The following ARHGEF1 variants were observed in gnomAD, a reference collection of about 807,000 sequenced individuals.
ARHGEF1 encodes the protein Rho guanine nucleotide exchange factor 1.
In ARHGEF1, 40 loss-of-function variants were observed where a neutral mutation model predicts 119.7. That is an observed-to-expected ratio of 0.33 (90% CI 0.26 to 0.44). The LOEUF (loss-of-function observed/expected upper bound fraction) is 0.44, where lower values mean the gene tolerates loss of function less well. ARHGEF1 is among the 20% of genes least tolerant of loss of function. The probability of loss-of-function intolerance (pLI) is 1.00; values close to 1 mark genes in which losing one functional copy is unlikely to be tolerated. For synonymous variants in ARHGEF1, 494 were observed against 521.0 expected, an observed-to-expected ratio of 0.95 and a Z score of 0.71; for missense variants, 976 against 1,268.3, an observed-to-expected ratio of 0.77 and a Z score of 3.50.
rs1209720214 is a variant in ARHGEF1, at chr19:41,928,673, C to A, written c.141-158C>A. On this transcript the variant is annotated intron_variant, in intron 1 of 2. Coordinates refer to the ARHGEF1 transcript ENST00000594417. The stretch of plus-strand genomic sequence containing the variant: ...TTCCTCAAACTCGGAAAATAAAGTT[C>A]AGAGCTGATCAAATTTGAAAACAGA... The A allele has an allele frequency of 1.6e-5, 5 of 319,918 alleles. No individual in the cohort carries two copies. In the East Asian group the frequency reaches 2.6e-4, roughly 17 times the overall value. The allele number at this position is 319,918 out of a possible 1,614,324, so 19.8% of individuals were successfully genotyped here. A position where few individuals can be genotyped will look rare whatever the true frequency, so the allele number is the denominator to read the frequency against.
upstream of ARHGEF1, among the ~76,000 whole-genome samples, chr19:41,918,529 CCATA>C (rs1270780858): frequency 6.8e-6 from 1 of 146,680 alleles, no homozygotes; most frequent in African/African-American, 2.5e-5. Context: ...CACACACACA[CCATA>C]CACTCACCAT....
chr19:41,918,864 ACAC>A (rs1339559681), upstream of ARHGEF1, among the ~76,000 whole-genome samples: 5 of 149,400 alleles, frequency 3.3e-5, no homozygotes, highest in African/African-American at 9.9e-5. Context: ...GACACACCAC[ACAC>A]CACATATCCA....
At chr19:41,913,534 C>A (rs1460461882) in intron 18 of ARHGEF1, among the ~76,000 whole-genome samples, 2 of 151,730 alleles carry the variant, frequency 1.3e-5, no homozygotes, top group Non-Finnish European at 2.9e-5. Context: ...CCCAGCACCC[C>A]CTCCTCCAGT....
In ARHGEF1 at chr19:41,906,440, T is replaced by C. The variant is rs782554820; in HGVS notation, c.2492-17T>C. The C allele has an allele frequency of 1.5e-5, 23 of 1,539,294 alleles. No homozygotes were observed. On this transcript the variant is annotated splice_polypyrimidine_tract_variant and intron_variant, in intron 26 of 28. Coordinates refer to ENST00000354532, the MANE Select transcript of ARHGEF1 (RefSeq NM_004706.4). The surrounding 1 kb of genome is among the most constrained non-coding windows in gnomAD (Gnocchi z 4.5). Reference sequence around the variant, plus strand: ...CCCCCTGGTCTCCTGACTCCACCCCTCCTTGCCCCTGGCCAGTGCTGTCCC... The same window carrying C: ...CCCCCTGGTCTCCTGACTCCACCCCCCCTTGCCCCTGGCCAGTGCTGTCCC...
chr19:41,930,033 G>T, exon 3 of ARHGEF1: 1 of 152,316 alleles, frequency 6.6e-6, no homozygotes. Flanking sequence ...TAAACCGCAG[G>T]GCGCATGGAG....
downstream of ARHGEF1, chr19:41,909,261 A>C (rs2074738991): frequency 2.4e-6 from 3 of 1,232,282 alleles, no homozygotes; most frequent in Non-Finnish European, 3.0e-6. The surrounding 1 kb of genome is among the most constrained non-coding windows in gnomAD (Gnocchi z 5.2). Context: ...CCAGGACCCC[A>C]GTACCCAGAC....
At chr19:41,919,026 G>A (rs1352537440), upstream of ARHGEF1, among the ~76,000 whole-genome samples, 1 of 148,064 alleles carries the variant, frequency 6.8e-6, no homozygotes, top group Non-Finnish European at 1.5e-5. Context: ...CCATGCCACA[G>A]ACACTATACA....
Position 41,903,831 on chromosome 19 carries a change from C to T in ARHGEF1, c.1917+47C>T, listed in dbSNP as rs781789159. 1.3e-4 allele frequency: 202 copies of T among 1,593,320 alleles called. No homozygotes were observed. The highest frequency in any genetic ancestry group is 1.7e-4 in the Non-Finnish European group (195 of 1,163,092). On this transcript the variant is annotated intron_variant, in intron 20 of 28. Transcript: ENST00000354532. The surrounding 1 kb of genome is among the most constrained non-coding windows in gnomAD (Gnocchi z 4.2). ...TCCCCCGCCCCCCTACTCCTTGGCC[C>T]AGGGGATTCTGTGATACAGCCCCCA...
Position 41,902,989 on chromosome 19 carries a change from G to A in ARHGEF1, c.1738+91G>A. ...CATTTTCATCAGTGATACCATCACA[G>A]CTCACTGCAGCCTCAACCTCCCAGG... is the stretch of plus-strand genomic sequence containing the variant. On this transcript the variant is annotated intron_variant, in intron 18 of 28. Coordinates refer to ENST00000354532, the MANE Select transcript of ARHGEF1 (RefSeq NM_004706.4). The surrounding 1 kb of genome is among the most constrained non-coding windows in gnomAD (Gnocchi z 6.5). The A allele has an allele frequency of 9.2e-7, 1 of 1,081,762 alleles. No homozygotes were observed. Among genetic ancestry groups the A allele is most frequent in the Non-Finnish European group, 1.3e-6 (1 of 768,544 alleles). 67.0% of individuals were successfully genotyped at this position (1,081,762 alleles called of 1,614,324 possible).
intron 12 of ARHGEF1, among the ~76,000 whole-genome samples, chr19:41,895,991 C>T (rs1191803366): frequency 1.3e-5 from 2 of 152,158 alleles, no homozygotes; most frequent in South Asian, 2.1e-4. Context: ...TCTTAGCCTC[C>T]GTTTGCTTTT....
chr19:41,908,087 C>T (rs2074728426), downstream of ARHGEF1: 4 of 578,314 alleles, frequency 6.9e-6, no homozygotes, highest in Non-Finnish European at 1.0e-5. The surrounding 1 kb of genome is among the most constrained non-coding windows in gnomAD (Gnocchi z 6.7). Flanking sequence ...CACTCTGGGG[C>T]TGGGGAAGGA....
At chr19:41,921,207 G>A (rs1353217859), upstream of ARHGEF1, among the ~76,000 whole-genome samples, 1 of 152,052 alleles carries the variant, frequency 6.6e-6, no homozygotes, top group African/African-American at 2.4e-5. The surrounding 1 kb of genome is among the most constrained non-coding windows in gnomAD (Gnocchi z 4.4). Flanking sequence ...CGTGGACCCC[G>A]CCTCCCCTCA....
chr19:41,894,141 T>TGTGA, intron 8 of ARHGEF1, 66 bp from the exon 9 acceptor site: 12 of 842,966 alleles, frequency 1.4e-5, no homozygotes, highest in South Asian at 1.1e-4. Context: ...TGTGAGTGTG[T>TGTGA]GTGTGTGTGT....
chr19:41,887,937 T>G, intron 1 of ARHGEF1, 127 bp from the exon 2 acceptor site: 2 of 1,086,148 alleles, frequency 1.8e-6, no homozygotes, highest in Non-Finnish European at 2.6e-6. Context: ...GAGGCCCCAT[T>G]GAGCTGCGGA....
At chr19:41,898,819 A>G (rs1236663940) in intron 14 of ARHGEF1, among the ~76,000 whole-genome samples, 1 of 152,226 alleles carries the variant, frequency 6.6e-6, no homozygotes, top group Admixed American at 6.5e-5. Context: ...TAGTAGTGCA[A>G]TACAGTGCTG....
At chr19:41,886,636 A>G (rs547690519) in intron 1 of ARHGEF1, among the ~76,000 whole-genome samples, 7 of 152,348 alleles carry the variant, frequency 4.6e-5, no homozygotes, top group Non-Finnish European at 1.0e-4. Flanking sequence ...TGAATTGCCC[A>G]AGCTTAGATA....
In ARHGEF1 at chr19:41,888,388, A is replaced by G. The variant is rs2123372739; in HGVS notation, c.111+110A>G. On this transcript the variant is annotated intron_variant, in intron 3 of 28. Transcript: ENST00000354532. The surrounding 1 kb of genome is among the most constrained non-coding windows in gnomAD (Gnocchi z 5.1). The stretch of plus-strand genomic sequence containing the variant: ...TTGGCCTTTTCCCACGGTCTGTCTC[A>G]TCCTCTCATCTCCCTGGTACCTCCT... 9.4e-7 allele frequency: 1 copy of G among 1,060,864 alleles called. No individual in the cohort carries two copies. Among genetic ancestry groups the G allele is most frequent in the Non-Finnish European group, 1.4e-6 (1 of 719,898 alleles). 65.7% of individuals were successfully genotyped at this position (1,060,864 alleles called of 1,614,324 possible). A position where few individuals can be genotyped will look rare whatever the true frequency, so the allele number is the denominator to read the frequency against.
chr19:41,909,504 A>C, downstream of ARHGEF1: 1 of 1,251,838 alleles, frequency 8.0e-7, no homozygotes, highest in Non-Finnish European at 1.0e-6. The surrounding 1 kb of genome is among the most constrained non-coding windows in gnomAD (Gnocchi z 5.2). Flanking sequence ...GGGGAGGTGC[A>C]GGGGGAGCCC....
chr19:41,894,121 A>AGTGT, intron 8 of ARHGEF1, 86 bp from the exon 9 acceptor site: 1 of 765,876 alleles, frequency 1.3e-6, no homozygotes, highest in South Asian at 4.2e-5. Flanking sequence ...GGAGAGAGAG[A>AGTGT]GAGTGTGTGT....
Sources: allele counts gnomAD v4.1 joint callset (sites outside exome capture counted in the v4.1 genomes callset), GRCh38; gene constraint gnomAD v4.1.1; non-coding constraint Gnocchi (gnomAD v3.1); transcripts MANE v1.5; gene names NCBI Gene and HGNC (gene_info 2026-07-23, HGNC 2026-07-21).